The following NALCN variants were observed in gnomAD, a reference collection of about 807,000 sequenced individuals.
The protein encoded by NALCN is sodium leak channel, non-selective.
Under a neutral mutation model 225.3 loss-of-function variants are expected in NALCN, and 111 were observed. The ratio of observed to expected loss-of-function variants is 0.49; its 90% CI spans 0.42 to 0.58. The LOEUF is 0.58. Among genes scored for constraint, NALCN ranks in the 20% least tolerant of loss-of-function variants. NALCN has a pLI of 0.00. For missense variants in NALCN, 1,378 were observed against 2,202.4 expected (o/e 0.63, Z 7.49); for synonymous variants, 764 against 769.0 (o/e 0.99, Z 0.11).
At chr13:101,378,690 C>T (rs1032940464) in intron 3 of NALCN, 37 bp from the exon 4 acceptor site, 1 of 1,528,162 alleles carries the variant, frequency 6.5e-7, no homozygotes, top group Admixed American at 1.8e-5. Flanking sequence ...TTAGGCAAAG[C>T]AAATATTTTA....
chr13:101,268,804 G>C (rs1390373200), intron 10 of NALCN, among the ~76,000 whole-genome samples: 1 of 152,138 alleles, frequency 6.6e-6, no homozygotes, highest in Non-Finnish European at 1.5e-5. Context: ...CTTTATGAAA[G>C]CTTCAATTTA....
intron 15 of NALCN, among the ~76,000 whole-genome samples, chr13:101,153,039 C>T (rs1178829245): frequency 6.6e-6 from 1 of 151,992 alleles, no homozygotes; most frequent in Non-Finnish European, 1.5e-5. Flanking sequence ...CGCACATACA[C>T]TCCCATGTAA....
intron 41 of NALCN, 39 bp downstream of exon 41, chr13:101,061,929 G>A (rs748597604): frequency 5.1e-5 from 81 of 1,579,758 alleles, no homozygotes; most frequent in Non-Finnish European, 6.5e-5. Context: ...AGGGCGGGGC[G>A]GGGCGGGGAC....
chr13:101,396,046 G>C (rs977913608), intron 2 of NALCN, among the ~76,000 whole-genome samples: 1 of 151,524 alleles, frequency 6.6e-6, no homozygotes, highest in East Asian at 1.9e-4. Flanking sequence ...TCTTTATTTT[G>C]GAGAACACAT....
At chr13:101,159,954 T>TTTTA (rs1217237651) in intron 15 of NALCN, among the ~76,000 whole-genome samples, 2 of 85,926 alleles carry the variant, frequency 2.3e-5, no homozygotes, top group East Asian at 5.8e-4. Context: ...TTTTTGTTAT[T>TTTTA]TTTATTTTAT....
At chr13:101,117,969 C>T (rs2035793859) in intron 18 of NALCN, among the ~76,000 whole-genome samples, 2 of 152,112 alleles carry the variant, frequency 1.3e-5, no homozygotes, top group Non-Finnish European at 2.9e-5. Context: ...TTTTAGAGCA[C>T]TCAAATTACT....
chr13:101,291,302 C>T (rs997713971), intron 9 of NALCN, among the ~76,000 whole-genome samples: 3 of 152,132 alleles, frequency 2.0e-5, no homozygotes, highest in African/African-American at 7.2e-5. Flanking sequence ...ATTACATAGG[C>T]TTGCAAGTAC....
intron 17 of NALCN, 63 bp downstream of exon 17, chr13:101,143,017 C>T (rs1012088439): frequency 1.3e-5 from 21 of 1,587,516 alleles, no homozygotes; most frequent in African/African-American, 4.0e-5. Flanking sequence ...AAGAACTCTG[C>T]GGTTCTTTTC....
chr13:101,367,195 C>T (rs761312407), intron 6 of NALCN, among the ~76,000 whole-genome samples: 3 of 151,690 alleles, frequency 2.0e-5, no homozygotes, highest in Admixed American at 6.6e-5. Flanking sequence ...TAGAAAGAAA[C>T]TCACAACTTA....
intron 18 of NALCN, chr13:101,117,007 C>T: frequency 2.0e-6 from 1 of 510,116 alleles, no homozygotes; most frequent in Non-Finnish European, 3.9e-6. Context: ...TGGCCTCTTG[C>T]TGAGATGAGG....
chr13:101,216,559 T>C (rs1323088750), intron 13 of NALCN, among the ~76,000 whole-genome samples: 1 of 152,082 alleles, frequency 6.6e-6, no homozygotes, highest in Non-Finnish European at 1.5e-5. Context: ...AAATTAAAAA[T>C]ACATGAAAGA....
chr13:101,257,039 G>T (rs1326154042), intron 11 of NALCN, among the ~76,000 whole-genome samples: 2 of 151,970 alleles, frequency 1.3e-5, no homozygotes, highest in African/African-American at 4.8e-5. Context: ...CTGGGATTAC[G>T]GGCGTAAGCC....
At chr13:101,060,652 G>T (rs1036803090) in intron 41 of NALCN, among the ~76,000 whole-genome samples, 1 of 151,776 alleles carries the variant, frequency 6.6e-6, no homozygotes, top group African/African-American at 2.4e-5. Context: ...TTTTATTCTA[G>T]GCTCATTAAG....
intron 14 of NALCN, among the ~76,000 whole-genome samples, chr13:101,182,289 A>C (rs1194686643): frequency 6.6e-6 from 1 of 152,158 alleles, no homozygotes; most frequent in Non-Finnish European, 1.5e-5. Flanking sequence ...TGACTCCTCA[A>C]GGCAGATGCA....
At chr13:101,257,719 T>C (rs1482109643) in intron 11 of NALCN, among the ~76,000 whole-genome samples, 1 of 152,172 alleles carries the variant, frequency 6.6e-6, no homozygotes, top group Non-Finnish European at 1.5e-5. Flanking sequence ...TTTGTAAATA[T>C]GTAACCATTG....
At chr13:101,117,077 G>C in intron 18 of NALCN, 1 of 427,456 alleles carries the variant, frequency 2.3e-6, no homozygotes, top group East Asian at 7.2e-5. Context: ...GCCCTATCCT[G>C]AGTAAATGGA....
At position 101,322,185 on chromosome 13, in the gene NALCN, A is replaced by G. The variant is rs2044767503; in HGVS notation, c.799+23081T>C. On this transcript the variant is annotated intron_variant, in intron 7 of 43. Transcript: ENST00000251127. Reference sequence around the variant, plus strand: ...TGTGTGGGTATATATGAACATGTCCATGCATGTGGAATATAGGGAATTCAC... The same window carrying G: ...TGTGTGGGTATATATGAACATGTCCGTGCATGTGGAATATAGGGAATTCAC... Among the ~76,000 whole-genome samples the G allele has an allele frequency of 2.0e-5, 3 of 152,180 alleles. No homozygotes were observed. In the South Asian group the frequency reaches 6.2e-4, roughly 32 times the overall value.
chr13:101,339,278 C>T lies in NALCN; in HGVS notation c.799+5988G>A, dbSNP rs567475109. On this transcript the variant is annotated intron_variant, in intron 7 of 43. Transcript: ENST00000251127. ...CACCTTGCCACCCATACTGCAATCA[C>T]GGAATCTCAATGTCTGCTAAATAAA... 4.6e-5 allele frequency among the ~76,000 whole-genome samples: 7 copies of T among 152,172 alleles called. No homozygotes were observed. In the South Asian group the frequency reaches 6.2e-4, roughly 13 times the overall value.
At chr13:101,165,984 G>C (rs913617803) in intron 15 of NALCN, among the ~76,000 whole-genome samples, 7 of 152,174 alleles carry the variant, frequency 4.6e-5, no homozygotes, top group Non-Finnish European at 1.0e-4. Flanking sequence ...ACTCACATAA[G>C]AGAAACCATA....
Sources: gnomAD v4.1 joint callset for allele counts (sites outside exome capture counted in the v4.1 genomes callset) on GRCh38, gnomAD v4.1.1 for gene constraint, MANE v1.5 for transcripts, NCBI Gene and HGNC (gene_info 2026-07-23, HGNC 2026-07-21) for gene names.